The following SETD2 variants were observed in gnomAD, a reference collection of about 807,000 sequenced individuals.
The protein encoded by SETD2 is SET domain containing 2, histone lysine methyltransferase, also known as histone-lysine N-methyltransferase SETD2.
Under a neutral mutation model 242.1 loss-of-function variants are expected in SETD2, and 31 were observed. The ratio of observed to expected loss-of-function variants is 0.13; its 90% CI spans 0.10 to 0.17. SETD2 has a LOEUF of 0.17. SETD2 is among the 10% of genes least tolerant of loss of function. The probability of loss-of-function intolerance (pLI) is 1.00; values close to 1 mark genes in which losing one functional copy is unlikely to be tolerated. For synonymous variants in SETD2, 1,006 were observed against 1,066.5 expected (o/e 0.94, Z 1.11); for missense variants, 2,481 against 3,046.3 (o/e 0.81, Z 4.37).
At chr3:47,058,669 C>A (rs947074137) in intron 14 of SETD2, among the ~76,000 whole-genome samples, 4 of 151,498 alleles carry the variant, frequency 2.6e-5, no homozygotes, top group Non-Finnish European at 5.9e-5. Context: ...AAGGCAAATT[C>A]AAATGCTATA....
intron 4 of SETD2, among the ~76,000 whole-genome samples, chr3:47,115,658 AT>A (rs1158169124): frequency 1.3e-5 from 2 of 152,106 alleles, no homozygotes; most frequent in African/African-American, 2.4e-5. Flanking sequence ...GGTTAAAAAA[AT>A]TTTTTTGAGA....
chr3:47,122,290 C>A lies in SETD2; in HGVS notation c.2346G>T (p.Arg782Ser), dbSNP rs2106674415. 1 of 1,614,016 alleles carries A rather than the reference C, an allele frequency of 6.2e-7. No individual in the cohort carries two copies. The highest frequency in any genetic ancestry group is 8.5e-7 in the Non-Finnish European group (1 of 1,179,986). Residue 782 changes from arginine to serine, a missense_variant, in exon 3 of 21, where the codon AGG becomes AGT. Transcript: ENST00000409792. Reference protein sequence around the residue: ...KTVVKEPVDTRVSCCKTKDSD... With the variant: ...KTVVKEPVDTSVSCCKTKDSD... ...AATCTTTGGTTTTGCAGCAAGAAAC[C>A]CTCGTATCAACTGGTTCTTTAACTA...
chr3:47,152,766 C>T (rs1032286136), intron 1 of SETD2, among the ~76,000 whole-genome samples: 7 of 152,188 alleles, frequency 4.6e-5, no homozygotes, highest in Admixed American at 3.9e-4. Context: ...TTGGAAACCA[C>T]CACTTGCTCT....
At chr3:47,130,259 G>A (rs1225188151) in intron 1 of SETD2, among the ~76,000 whole-genome samples, 1 of 152,172 alleles carries the variant, frequency 6.6e-6, no homozygotes, top group African/African-American at 2.4e-5. Context: ...AAATCTGAAG[G>A]AAGCTCATAA....
intron 8 of SETD2, among the ~76,000 whole-genome samples, chr3:47,100,454 T>C (rs933536646): frequency 2.7e-5 from 4 of 150,470 alleles, no homozygotes; most frequent in Admixed American, 2.7e-4. Flanking sequence ...ATGGACGGGG[T>C]TTCACCATGT....
At chr3:47,105,710 C>G (rs1259672949) in intron 6 of SETD2, 1 of 439,516 alleles carries the variant, frequency 2.3e-6, no homozygotes, top group South Asian at 1.7e-5. Context: ...CGAGACCAGC[C>G]TGGCCAACGT....
chr3:47,161,838 A>G (rs537465979), intron 1 of SETD2, among the ~76,000 whole-genome samples: 1 of 151,678 alleles, frequency 6.6e-6, no homozygotes, highest in African/African-American at 2.4e-5. Context: ...TTAAGCCCAG[A>G]GGTTCAAGGA....
At chr3:47,095,773 C>T (rs2041982984) in intron 9 of SETD2, among the ~76,000 whole-genome samples, 1 of 147,194 alleles carries the variant, frequency 6.8e-6, no homozygotes, top group Non-Finnish European at 1.5e-5. Flanking sequence ...AAAAGAAAAA[C>T]TTTCAAATGA....
At chr3:47,063,045 C>T (rs2040405635) in intron 13 of SETD2, among the ~76,000 whole-genome samples, 1 of 152,172 alleles carries the variant, frequency 6.6e-6, no homozygotes, top group African/African-American at 2.4e-5. Flanking sequence ...TCTCTCCATA[C>T]CAAAATCTGT....
rs2106667804 is a variant in SETD2, at chr3:47,122,054, G to T, written c.2582C>A (p.Ser861Ter). ...EYKQSIGSTS[S>*]ASVNHFDDLY... ...ATCATCAAAATGATTAACAGAAGCT[G>T]AACTAGTGCTACCGATGCTCTGCTT... is the stretch of plus-strand genomic sequence containing the variant. The change falls in exon 3 of 21, where the codon TCA (serine) becomes TAA (stop). Residue 861 changes from serine to a stop codon, truncating the protein, a stop_gained. Transcript: ENST00000409792. LOFTEE classifies it high-confidence loss of function. 6.2e-7 allele frequency: 1 copy of T among 1,613,754 alleles called. No homozygotes were observed. The highest frequency in any genetic ancestry group is 1.1e-5 in the South Asian group (1 of 91,068).
At chr3:47,137,759 T>TCACTGCAACCTCTGAGATCG (rs2043622670) in intron 1 of SETD2, among the ~76,000 whole-genome samples, 1 of 152,056 alleles carries the variant, frequency 6.6e-6, no homozygotes, top group African/African-American at 2.4e-5. Flanking sequence ...CGATCTTGGC[T>TCACTGCAACCTCTGAGATCG]CACTGCAACC....
At chr3:47,119,597 T>C in intron 3 of SETD2, 1 of 268,880 alleles carries the variant, frequency 3.7e-6, no homozygotes, top group South Asian at 3.5e-5. Context: ...CACTTTTGCT[T>C]CTTCCTCTTT....
chr3:47,060,547 G>T (rs1026720117), intron 14 of SETD2, among the ~76,000 whole-genome samples: 1 of 152,000 alleles, frequency 6.6e-6, no homozygotes, highest in Non-Finnish European at 1.5e-5. Context: ...AAAAGGATGG[G>T]TTTTCAAGTA....
intron 14 of SETD2, 54 bp from the exon 15 acceptor site, chr3:47,057,544 C>G (rs2107578683): frequency 7.7e-7 from 1 of 1,294,554 alleles, no homozygotes; most frequent in Non-Finnish European, 1.1e-6. Context: ...TAGACACAAT[C>G]AAAGCACTAA....
chr3:47,116,342 TATAAAAG>T (rs1271341004), intron 4 of SETD2, among the ~76,000 whole-genome samples: 1 of 152,180 alleles, frequency 6.6e-6, no homozygotes, highest in African/African-American at 2.4e-5. Flanking sequence ...ACATAAATAT[TATAAAAG>T]ATAAAAAAGT....
intron 7 of SETD2, 69 bp from the exon 8 acceptor site, chr3:47,101,624 G>C (rs2042216529): frequency 1.2e-6 from 1 of 847,898 alleles, no homozygotes; most frequent in Non-Finnish European, 2.0e-6. Flanking sequence ...GTGTGTGTGT[G>C]TGTGTGTGTG....
intron 1 of SETD2, among the ~76,000 whole-genome samples, chr3:47,140,476 G>A (rs2043700775): frequency 6.6e-6 from 1 of 152,184 alleles, no homozygotes; most frequent in African/African-American, 2.4e-5. Context: ...AAAAGTGAGA[G>A]AGGAAAACCT....
chr3:47,089,147 T>C (rs1314575470), intron 9 of SETD2, among the ~76,000 whole-genome samples: 5 of 152,094 alleles, frequency 3.3e-5, no homozygotes, highest in Non-Finnish European at 7.4e-5. Context: ...AAAAACTGCT[T>C]TTAAACAGGC....
At chr3:47,065,795 C>T (rs2040533349) in intron 13 of SETD2, among the ~76,000 whole-genome samples, 1 of 152,170 alleles carries the variant, frequency 6.6e-6, no homozygotes. Context: ...CAGAATAAGA[C>T]ACTGTCTCTA....
Sources: gnomAD v4.1 joint callset for allele counts (sites outside exome capture counted in the v4.1 genomes callset) on GRCh38, gnomAD v4.1.1 for gene constraint, MANE v1.5 for transcripts, NCBI Gene and HGNC (gene_info 2026-07-23, HGNC 2026-07-21) for gene names.